Variants in TUSC3 observed in about 807,000 individuals in gnomAD.
TUSC3 encodes the protein tumor suppressor candidate 3, also known as dolichyl-diphosphooligosaccharide--protein glycosyltransferase subunit TUSC3.
Under a neutral mutation model 44.8 loss-of-function variants are expected in TUSC3, and 45 were observed. That is an observed-to-expected ratio of 1.00 (90% confidence interval 0.79 to 1.29). The LOEUF is 1.29. TUSC3 is among the 50% of genes most tolerant of loss of function. The pLI is 0.00. For synonymous variants in TUSC3, 212 were observed against 152.9 expected (o/e 1.39, Z -2.85); for missense variants, 519 against 437.9 (o/e 1.19, Z -1.65).
intron 1 of TUSC3, among the ~76,000 whole-genome samples, chr8:15,598,560 A>G (rs113318803): frequency 0.027 from 3,541 of 129,284 alleles, 132 homozygotes; most frequent in African/African-American, 0.094. Flanking sequence ...TGTATCCATC[A>G]TTATAATGGA....
At chr8:15,763,155 T>G (rs1452062415) in intron 10 of TUSC3, among the ~76,000 whole-genome samples, 3 of 151,780 alleles carry the variant, frequency 2.0e-5, no homozygotes, top group South Asian at 4.1e-4. Context: ...TCATGTTTTA[T>G]ACTAAAATGT....
At chr8:15,592,621 A>T (rs1460883308) in intron 1 of TUSC3, among the ~76,000 whole-genome samples, 1 of 152,188 alleles carries the variant, frequency 6.6e-6, no homozygotes, top group Non-Finnish European at 1.5e-5. Context: ...GAGCTTCCTG[A>T]GGCCTCATCA....
intron 2 of TUSC3, among the ~76,000 whole-genome samples, chr8:15,638,128 C>T (rs748855547): frequency 2.8e-4 from 43 of 152,150 alleles, no homozygotes; most frequent in Non-Finnish European, 1.5e-4. Flanking sequence ...TCAAATTCAG[C>T]TGAGATTCTG....
At chr8:15,824,811 T>C in the TUSC3 span, among the ~76,000 whole-genome samples, 1 of 152,176 alleles carries the variant, frequency 6.6e-6, no homozygotes, top group Admixed American at 6.5e-5. Context: ...TATCACAGAA[T>C]TCCCATCACA....
chr8:15,575,450 A>T (rs1436297397), intron 1 of TUSC3, among the ~76,000 whole-genome samples: 1 of 152,146 alleles, frequency 6.6e-6, no homozygotes, highest in Non-Finnish European at 1.5e-5. Context: ...TTGTAAGAGG[A>T]TAATATATAT....
intron 2 of TUSC3, among the ~76,000 whole-genome samples, chr8:15,523,123 C>G (rs1290608573): frequency 6.6e-6 from 1 of 152,074 alleles, no homozygotes; most frequent in African/African-American, 2.4e-5. Flanking sequence ...AGCATGATGC[C>G]GTAGGAAAGT....
At chr8:15,505,576 C>T (rs1473733294) in intron 2 of TUSC3, among the ~76,000 whole-genome samples, 1 of 152,138 alleles carries the variant, frequency 6.6e-6, no homozygotes, top group Non-Finnish European at 1.5e-5. Context: ...TACAGTATGT[C>T]CCAAGCTTGT....
At chr8:15,809,033 A>G in the TUSC3 span, among the ~76,000 whole-genome samples, 2 of 152,316 alleles carry the variant, frequency 1.3e-5, no homozygotes, top group Middle Eastern at 3.4e-3. Context: ...TCAAGAGACA[A>G]GGGTTGGTGG....
intron 1 of TUSC3, among the ~76,000 whole-genome samples, chr8:15,446,700 A>C (rs1275402274): frequency 2.5e-5 from 3 of 119,060 alleles, no homozygotes. Flanking sequence ...TCGGCTCGGC[A>C]TCAGAGGGAG....
chr8:15,545,434 T>G (rs1801831573), intron 1 of TUSC3, among the ~76,000 whole-genome samples: 1 of 151,658 alleles, frequency 6.6e-6, no homozygotes, highest in Non-Finnish European at 1.5e-5. Context: ...GACATTATCT[T>G]TATTAAACTC....
chr8:15,524,829 C>A (rs1169183870), intron 2 of TUSC3, among the ~76,000 whole-genome samples: 9 of 152,004 alleles, frequency 5.9e-5, no homozygotes, highest in Non-Finnish European at 8.8e-5. Context: ...GAAAGAGATC[C>A]CAGAATACAG....
chr8:15,422,935 G>C (rs567424631), intron 1 of TUSC3, among the ~76,000 whole-genome samples: 1 of 152,016 alleles, frequency 6.6e-6, no homozygotes, highest in Non-Finnish European at 1.5e-5. Context: ...GAGCCACTGC[G>C]TCCACCCAGT....
At chr8:15,656,813 A>G (rs1224769111) in intron 3 of TUSC3, among the ~76,000 whole-genome samples, 2 of 152,220 alleles carry the variant, frequency 1.3e-5, no homozygotes, top group Non-Finnish European at 2.9e-5. Context: ...CCACAAAGTC[A>G]TTTGAAATTT....
intron 6 of TUSC3, among the ~76,000 whole-genome samples, chr8:15,716,997 A>G (rs946537447): frequency 6.6e-6 from 1 of 152,088 alleles, no homozygotes; most frequent in African/African-American, 2.4e-5. Context: ...TAGTTGTTTT[A>G]AAATATATTG....
At chr8:15,658,226 C>T (rs1378258875) in intron 3 of TUSC3, among the ~76,000 whole-genome samples, 1 of 152,072 alleles carries the variant, frequency 6.6e-6, no homozygotes, top group African/African-American at 2.4e-5. Flanking sequence ...AATTTGATTG[C>T]ATTTGCAGTA....
chr8:15,617,659 A>G (rs1805056231), intron 1 of TUSC3, among the ~76,000 whole-genome samples: 1 of 152,210 alleles, frequency 6.6e-6, no homozygotes, highest in Admixed American at 6.5e-5. Context: ...TAACTTGAGT[A>G]TGTTATTTGT....
rs542047265 is a variant in TUSC3, at chr8:15,490,809, C to G, written n.189+7326C>G. On this transcript the variant is annotated intron_variant and non_coding_transcript_variant, in intron 2 of 5. Coordinates refer to the TUSC3 transcript ENST00000503191. ...AGGAGATATTTTTCTCATAACTTCA[C>G]AAGCTAGATTTGTGTTGTAAATCAA... is the stretch of plus-strand genomic sequence containing the variant. 2.2e-4 allele frequency among the ~76,000 whole-genome samples: 33 copies of G among 152,324 alleles called. 1 individual carries two copies. The Middle Eastern group carries it at 0.02, about 94-fold the overall frequency.
intron 6 of TUSC3, among the ~76,000 whole-genome samples, chr8:15,727,633 TTA>T (rs1345580019): frequency 6.6e-6 from 1 of 152,122 alleles, no homozygotes; most frequent in African/African-American, 2.4e-5. Flanking sequence ...TTCCTGAATA[TTA>T]TATTTTAAAA....
intron 3 of TUSC3, among the ~76,000 whole-genome samples, chr8:15,655,119 C>T (rs1473597409): frequency 1.3e-5 from 2 of 152,146 alleles, no homozygotes; most frequent in Non-Finnish European, 2.9e-5. Flanking sequence ...AGGTGACCAT[C>T]ATGTGATGAT....
Sources: allele counts gnomAD v4.1 joint callset (sites outside exome capture counted in the v4.1 genomes callset), GRCh38; gene constraint gnomAD v4.1.1; transcripts MANE v1.5; gene names NCBI Gene and HGNC (gene_info 2026-07-23, HGNC 2026-07-21).